WNT7B: variants seen among roughly 807,000 people sequenced by gnomAD.
WNT7B encodes the protein Wnt family member 7B.
WNT7B carries 19 observed loss-of-function variants against 38.2 expected under a neutral mutation model. The ratio of observed to expected loss-of-function variants is 0.50; its 90% CI spans 0.35 to 0.73. The LOEUF (loss-of-function observed/expected upper bound fraction) is 0.73, where lower values mean the gene tolerates loss of function less well. Among genes scored for constraint, WNT7B ranks in the 30% least tolerant of loss-of-function variants. The probability of loss-of-function intolerance (pLI) is 0.01; values close to 1 mark genes in which losing one functional copy is unlikely to be tolerated. For synonymous variants in WNT7B, 243 were observed against 209.3 expected (o/e 1.16, Z -1.39); for missense variants, 423 against 507.9 (o/e 0.83, Z 1.61).
chr22:45,947,186 T>A (rs1000792326), intron 2 of WNT7B, among the ~76,000 whole-genome samples: 1 of 152,228 alleles, frequency 6.6e-6, no homozygotes, highest in Admixed American at 6.5e-5. Context: ...GAAGCTCTGA[T>A]TCTCAGAAGG....
In WNT7B at chr22:45,955,855, A is replaced by G. The variant is rs561187312; in HGVS notation, c.72-5709T>C. ...ACTGTGGACAAGGCCCTGCAGTCTC[A>G]GGCCAGAGGCCAGCAGAGGCCCAGG... On this transcript the variant is annotated intron_variant, in intron 1 of 3. Transcript: ENST00000339464. 2.0e-5 allele frequency among the ~76,000 whole-genome samples: 3 copies of G among 152,344 alleles called. No homozygotes were observed. In the East Asian group the frequency reaches 5.8e-4, roughly 29 times the overall value.
chr22:45,927,359 A>G, intron 3 of WNT7B: 1 of 1,478,182 alleles, frequency 6.8e-7, no homozygotes, highest in Admixed American at 2.1e-5. Flanking sequence ...AAGTGGGGGC[A>G]GGGCGGGGGC....
At chr22:45,928,183 C>T (rs1382467168) in intron 3 of WNT7B, among the ~76,000 whole-genome samples, 1 of 152,196 alleles carries the variant, frequency 6.6e-6, no homozygotes, top group African/African-American at 2.4e-5. Context: ...CCACCCACCT[C>T]ACTGTGCAGC....
At chr22:45,934,960 T>TCTGGTTTAATTCTCACAAC (rs1417360134) in intron 2 of WNT7B, among the ~76,000 whole-genome samples, 3 of 152,182 alleles carry the variant, frequency 2.0e-5, no homozygotes, top group Non-Finnish European at 4.4e-5. Flanking sequence ...GCCTGTGTTG[T>TCTGGTTTAATTCTCACAAC]CTGGTTTAAT....
chr22:45,929,619 CCCATCCTTCCATCCATGCATCCACTCAT>C (rs372746755), intron 3 of WNT7B, among the ~76,000 whole-genome samples: 16,379 of 141,834 alleles, frequency 0.12, 1,164 homozygotes, highest in Admixed American at 0.23. Flanking sequence ...TGCCCATACA[CCCATCCTTCCATCCATGCATCCACTCAT>C]CCATCCTTCC....
At position 45,923,254 on chromosome 22, in the gene WNT7B, G is replaced by T; in HGVS notation, c.652C>A (p.Leu218Met). ...TGGCCCACCTCTCGGAACTTGGGCAGCGTGGTCCAGCAGGTTTTGGTGGTG... is the reference window on the plus strand; with the variant it reads ...TGGCCCACCTCTCGGAACTTGGGCATCGTGGTCCAGCAGGTTTTGGTGGTG... The part of the protein sequence containing the change: ...SCTTKTCWTT[L>M]PKFREVGHLL... The change falls in exon 4 of 4, where the codon CTG becomes ATG. Residue 218 changes from leucine to methionine, a missense_variant. Around this residue, in one of 3 missense-constraint regions of WNT7B, gnomAD observed 158 missense variants for 214.7 expected, o/e 0.74. Transcript: ENST00000339464. The T allele has an allele frequency of 6.2e-7, 1 of 1,613,654 alleles. No homozygotes were observed. Among genetic ancestry groups the T allele is most frequent in the Non-Finnish European group, 8.5e-7 (1 of 1,180,014 alleles).
chr22:45,976,737 G>A lies in WNT7B; in HGVS notation c.18C>T (p.Arg6=). Reference sequence around the variant, plus strand: ...AGAGAAACACGTAGAAAATCCACTTGCGAAAGTTTCTGTGCATGATCCAGG... The same window carrying A: ...AGAGAAACACGTAGAAAATCCACTTACGAAAGTTTCTGTGCATGATCCAGG... MHRNF[R]KWIFYVFLCF... Residue 6 remains arginine, a synonymous_variant, in exon 1 of 4, where the codon CGC becomes CGT. Coordinates refer to ENST00000339464, the MANE Select transcript of WNT7B (RefSeq NM_058238.3). The surrounding 1 kb of genome is among the most constrained non-coding windows in gnomAD (Gnocchi z 8.5). 1 of 1,609,872 alleles carries A rather than the reference G, an allele frequency of 6.2e-7. No homozygotes were observed. The highest frequency in any genetic ancestry group is 1.1e-5 in the South Asian group (1 of 90,868).
chr22:45,922,474 C>T lies in WNT7B; in HGVS notation c.*382G>A, dbSNP rs1930955905. 2 of 206,952 alleles carry T rather than the reference C, an allele frequency of 9.7e-6. No individual in the cohort carries two copies. Among genetic ancestry groups the T allele is most frequent in the African/African-American group, 4.6e-5 (2 of 43,510 alleles). The allele number at this position is 206,952 out of a possible 1,614,324, so 12.8% of individuals were successfully genotyped here. ...CGTAGCTTTTCTGTGTCCATGCCGC[C>T]AGGTGGGGCTGGGGACGCTCAGTCT... On this transcript the variant is annotated 3_prime_UTR_variant, in exon 4 of 4. Coordinates refer to ENST00000339464, the MANE Select transcript of WNT7B (RefSeq NM_058238.3).
At chr22:45,954,586 T>C in intron 1 of WNT7B, 1 of 985,286 alleles carries the variant, frequency 1.0e-6, no homozygotes, top group Non-Finnish European at 1.2e-6. Flanking sequence ...GCAGGGGGAC[T>C]AGAGCCCCCA....
intron 2 of WNT7B, 113 bp from the exon 3 acceptor site, chr22:45,931,482 G>A (rs1931357771): frequency 7.8e-7 from 1 of 1,289,936 alleles, no homozygotes; most frequent in Non-Finnish European, 1.0e-6. Context: ...GTGTGACCCT[G>A]GGCTCATCGC....
intron 3 of WNT7B, among the ~76,000 whole-genome samples, chr22:45,930,581 G>A (rs78485507): frequency 0.043 from 6,569 of 152,200 alleles, 260 homozygotes; most frequent in African/African-American, 0.11. Flanking sequence ...ACCACACTCC[G>A]TCCCGCCCCA....
chr22:45,952,352 G>A (rs759309627), intron 1 of WNT7B, among the ~76,000 whole-genome samples: 40 of 152,172 alleles, frequency 2.6e-4, no homozygotes, highest in South Asian at 1.7e-3. Flanking sequence ...CTCAATCCCC[G>A]AGGCCCGCCC....
At chr22:45,927,714 G>A in intron 3 of WNT7B, 4 of 674,672 alleles carry the variant, frequency 5.9e-6, no homozygotes, top group Non-Finnish European at 1.1e-5. Flanking sequence ...TGGGCAACAT[G>A]GTGAAGCCCC....
At chr22:45,958,081 C>T (rs1286835208) in intron 1 of WNT7B, among the ~76,000 whole-genome samples, 1 of 152,270 alleles carries the variant, frequency 6.6e-6, no homozygotes, top group Non-Finnish European at 1.5e-5. Context: ...TCTGCCCGTG[C>T]CCAGCCTGGC....
intron 3 of WNT7B, among the ~76,000 whole-genome samples, chr22:45,928,713 T>C (rs1295341355): frequency 6.6e-6 from 1 of 152,086 alleles, no homozygotes; most frequent in East Asian, 1.9e-4. Context: ...GCCCTGGGGT[T>C]CACACAGCAC....
rs533370395 is a variant in WNT7B at position 45,967,156 on chromosome 22, G to A, written c.71+9528C>T. Reference sequence around the variant, plus strand: ...AGCCTGAGGTGAGGCCCCCAGCCCTGCGCCAGGGACGGAGGACAAACGGTG... The same window carrying A: ...AGCCTGAGGTGAGGCCCCCAGCCCTACGCCAGGGACGGAGGACAAACGGTG... On this transcript the variant is annotated intron_variant, in intron 1 of 3. Transcript: ENST00000339464. Among the ~76,000 whole-genome samples the A allele has an allele frequency of 2.0e-5, 3 of 152,344 alleles. No homozygotes were observed. The South Asian group carries it at 6.2e-4, about 32-fold the overall frequency.
intron 2 of WNT7B, among the ~76,000 whole-genome samples, chr22:45,949,122 G>A (rs1931867556): frequency 6.6e-6 from 1 of 152,134 alleles, no homozygotes; most frequent in African/African-American, 2.4e-5. Flanking sequence ...TGAGCCACCA[G>A]GTCCGGCCCA....
chr22:45,930,458 C>T (rs536363699), intron 3 of WNT7B, among the ~76,000 whole-genome samples: 3 of 152,352 alleles, frequency 2.0e-5, no homozygotes, highest in South Asian at 2.1e-4. Flanking sequence ...TGCCGCCGTG[C>T]AGCTGCTCCT....
chr22:45,974,259 G>A (rs1036617166), intron 1 of WNT7B, among the ~76,000 whole-genome samples: 2 of 152,136 alleles, frequency 1.3e-5, no homozygotes, highest in Non-Finnish European at 2.9e-5. Flanking sequence ...CTCACTCAAG[G>A]CCACAGGCTA....
Sources: allele counts gnomAD v4.1 joint callset (sites outside exome capture counted in the v4.1 genomes callset), GRCh38; gene constraint gnomAD v4.1.1; regional missense constraint gnomAD v4.1.1; non-coding constraint Gnocchi (gnomAD v3.1); transcripts MANE v1.5; gene names NCBI Gene and HGNC (gene_info 2026-07-23, HGNC 2026-07-21).